Variants in SPRR2F observed in about 807,000 individuals in gnomAD.
The protein encoded by SPRR2F is small proline rich protein 2F.
SPRR2F carries 2 observed loss-of-function variants against 0.8 expected under a neutral mutation model. The ratio of observed to expected loss-of-function variants is 2.52; its 90% CI spans 1.03 to 7.95. The LOEUF is 7.95. SPRR2F is among the 30% of genes most tolerant of loss of function. The probability of loss-of-function intolerance (pLI) is 0.04; values close to 1 mark genes in which losing one functional copy is unlikely to be tolerated. For missense variants in SPRR2F, 80 were observed against 85.8 expected, an observed-to-expected ratio of 0.93 and a Z score of 0.27; for synonymous variants, 39 against 33.4, an observed-to-expected ratio of 1.17 and a Z score of -0.58.
chr1:153,112,196 G>T lies in SPRR2F; in HGVS notation c.*319C>A, dbSNP rs1472719555. The T allele has an allele frequency of 2.3e-6, 1 of 427,438 alleles. No homozygotes were observed. Among genetic ancestry groups the T allele is most frequent in the Non-Finnish European group, 4.1e-6 (1 of 244,656 alleles). 26.5% of individuals were successfully genotyped at this position (427,438 alleles called of 1,614,324 possible). A position where few individuals can be genotyped will look rare whatever the true frequency, so the allele number is the denominator to read the frequency against. On this transcript the variant is annotated 3_prime_UTR_variant, in exon 2 of 2. Coordinates refer to ENST00000468739, the MANE Select transcript of SPRR2F (RefSeq NM_001014450.3). ...CAGGTGGTGGAAGCTCATGCCCAGG[G>T]GACAGACAGACACAGAAAACATCAA...
chr1:153,118,664 A>G, the SPRR2F span, among the ~76,000 whole-genome samples: 2 of 152,186 alleles, frequency 1.3e-5, no homozygotes, highest in Admixed American at 1.3e-4. Context: ...TCTAATAATC[A>G]AAACCTGAGG....
At chr1:153,115,792 A>C (rs896997299), upstream of SPRR2F, among the ~76,000 whole-genome samples, 2 of 152,142 alleles carry the variant, frequency 1.3e-5, no homozygotes. Context: ...ATCTCTCCAC[A>C]TATATAAAGA....
Position 153,112,737 on chromosome 1 carries a change from G to A in SPRR2F, c.-4C>T. On this transcript the variant is annotated 5_prime_UTR_variant, in exon 2 of 2. Coordinates refer to ENST00000468739, the MANE Select transcript of SPRR2F (RefSeq NM_001014450.3). ...ACTGCTGCTGTTGATAAGACATCCT[G>A]CTGGAGTCTCAGAATCTGAAAGAAA... is the stretch of plus-strand genomic sequence containing the variant. 3 of 1,611,592 alleles carry A rather than the reference G, an allele frequency of 1.9e-6. No homozygotes were observed. The highest frequency in any genetic ancestry group is 1.7e-6 in the Non-Finnish European group (2 of 1,179,846).
chr1:153,113,183 C>T (rs1365973009), intron 1 of SPRR2F, among the ~76,000 whole-genome samples: 1 of 152,146 alleles, frequency 6.6e-6, no homozygotes, highest in Non-Finnish European at 1.5e-5. Context: ...CGACATAAAC[C>T]TTTGAAAAGG....
At chr1:153,113,173 C>G (rs995975870) in intron 1 of SPRR2F, among the ~76,000 whole-genome samples, 4 of 151,968 alleles carry the variant, frequency 2.6e-5, no homozygotes, top group African/African-American at 7.3e-5. Flanking sequence ...ACACCTGCTA[C>G]GACATAAACC....
At chr1:153,118,710 G>A in the SPRR2F span, among the ~76,000 whole-genome samples, 2 of 152,148 alleles carry the variant, frequency 1.3e-5, no homozygotes, top group South Asian at 4.1e-4. Flanking sequence ...TGTGAGAAAT[G>A]ATAAAGAGAG....
upstream of SPRR2F, among the ~76,000 whole-genome samples, chr1:153,118,497 C>T (rs1222131961): frequency 6.6e-6 from 1 of 152,016 alleles, no homozygotes; most frequent in Non-Finnish European, 1.5e-5. Flanking sequence ...TATAAGTGAT[C>T]CTTAATAAGA....
At chr1:153,117,790 C>T (rs1300850382), upstream of SPRR2F, among the ~76,000 whole-genome samples, 1 of 151,958 alleles carries the variant, frequency 6.6e-6, no homozygotes. Flanking sequence ...CTTTTTAAGA[C>T]AGTGAATGTG....
Position 153,112,405 on chromosome 1 carries a change from G to A in SPRR2F, c.*110C>T, listed in dbSNP as rs1183605400. 3 of 1,506,742 alleles carry A rather than the reference G, an allele frequency of 2.0e-6. No homozygotes were observed. Among genetic ancestry groups the A allele is most frequent in the African/African-American group, 2.8e-5 (2 of 71,594 alleles). The allele number at this position is 1,506,742 out of a possible 1,614,324, so 93.3% of individuals were successfully genotyped here. A position where few individuals can be genotyped will look rare whatever the true frequency, so the allele number is the denominator to read the frequency against. On this transcript the variant is annotated 3_prime_UTR_variant, in exon 2 of 2. Coordinates refer to ENST00000468739, the MANE Select transcript of SPRR2F (RefSeq NM_001014450.3). ...CCGATCACAGGCTAAGAGGAAAGAA[G>A]CTCCCTGTGTATCCCTGGATGGCTT...
chr1:153,118,720 G>C, the SPRR2F span, among the ~76,000 whole-genome samples: 6,566 of 152,210 alleles, frequency 0.043, 469 homozygotes, highest in African/African-American at 0.15. Context: ...GATAAAGAGA[G>C]CCTTTTGATT....
intron 1 of SPRR2F, among the ~76,000 whole-genome samples, 176 bp from the exon 2 acceptor site, chr1:153,112,928 T>C (rs1481090820): frequency 6.6e-6 from 1 of 152,254 alleles, no homozygotes; most frequent in African/African-American, 2.4e-5. Context: ...ATTACTTCAT[T>C]GTCCCTGGGA....
Position 153,112,745 on chromosome 1 carries a change from C to T in SPRR2F, c.-12G>A, listed in dbSNP as rs766149663. Reference sequence around the variant, plus strand: ...TGTTGATAAGACATCCTGCTGGAGTCTCAGAATCTGAAAGAAATTATATGA... The same window carrying T: ...TGTTGATAAGACATCCTGCTGGAGTTTCAGAATCTGAAAGAAATTATATGA... On this transcript the variant is annotated 5_prime_UTR_variant, in exon 2 of 2. Coordinates refer to ENST00000468739, the MANE Select transcript of SPRR2F (RefSeq NM_001014450.3). The T allele has an allele frequency of 6.2e-7, 1 of 1,611,136 alleles. No individual in the cohort carries two copies. The highest frequency in any genetic ancestry group is 2.2e-5 in the East Asian group (1 of 44,890).
At chr1:153,118,205 G>A (rs1017728288), upstream of SPRR2F, among the ~76,000 whole-genome samples, 1 of 152,074 alleles carries the variant, frequency 6.6e-6, no homozygotes, top group Non-Finnish European at 1.5e-5. Flanking sequence ...CACACCCATA[G>A]AGTGGAATAC....
At chr1:153,116,574 G>A (rs1440386311), upstream of SPRR2F, among the ~76,000 whole-genome samples, 1 of 152,116 alleles carries the variant, frequency 6.6e-6, no homozygotes, top group Admixed American at 6.5e-5. Context: ...GGGGCTGGAC[G>A]TGAGTAGGAA....
intron 1 of SPRR2F, 136 bp from the exon 2 acceptor site, chr1:153,112,888 G>A: frequency 7.2e-7 from 1 of 1,394,958 alleles, no homozygotes; most frequent in Non-Finnish European, 9.5e-7. Context: ...CTTTTCAAGA[G>A]TCCCTGGCTT....
chr1:153,116,241 G>A (rs148401830), upstream of SPRR2F, among the ~76,000 whole-genome samples: 459 of 152,190 alleles, frequency 3.0e-3, 5 homozygotes, highest in African/African-American at 0.01. Flanking sequence ...GGATGTTTTA[G>A]AAGACTATTT....
At position 153,112,219 on chromosome 1, in the gene SPRR2F, C is replaced by A; in HGVS notation, c.*296G>T. The A allele has an allele frequency of 2.1e-6, 1 of 469,324 alleles. No homozygotes were observed. Among genetic ancestry groups the A allele is most frequent in the East Asian group, 3.3e-5 (1 of 30,088 alleles). The allele number at this position is 469,324 out of a possible 1,614,324, so 29.1% of individuals were successfully genotyped here. The stretch of plus-strand genomic sequence containing the variant: ...GGGGACAGACAGACACAGAAAACAT[C>A]AACAGAATTCTCTAATGGTTCCCAG... On this transcript the variant is annotated 3_prime_UTR_variant, in exon 2 of 2. Transcript: ENST00000468739.
At chr1:153,113,554 T>C (rs777745030), upstream of SPRR2F, 3 of 152,200 alleles carry the variant, frequency 2.0e-5, no homozygotes, top group Non-Finnish European at 2.9e-5. Flanking sequence ...TAGGGCCTGC[T>C]ACCCCTCCCA....
intron 1 of SPRR2F, 146 bp downstream of exon 1, chr1:153,113,328 T>C (rs1655645834): frequency 1.9e-5 from 3 of 157,768 alleles, no homozygotes; most frequent in Admixed American, 5.9e-5. Flanking sequence ...AAATAGCATA[T>C]CATTGTGCTC....
Sources: gnomAD v4.1 joint callset for allele counts (sites outside exome capture counted in the v4.1 genomes callset) on GRCh38, gnomAD v4.1.1 for gene constraint, MANE v1.5 for transcripts, NCBI Gene and HGNC (gene_info 2026-07-23, HGNC 2026-07-21) for gene names.